The following ARHGAP42 variants were observed in gnomAD, a reference collection of about 807,000 sequenced individuals.
The protein encoded by ARHGAP42 is rho GTPase-activating protein 42.
ARHGAP42 carries 63 observed loss-of-function variants against 125.0 expected under a neutral mutation model. The observed-to-expected ratio is 0.50, with a 90% CI of 0.41 to 0.62. The LOEUF is 0.62. Among genes scored for constraint, ARHGAP42 ranks in the 20% least tolerant of loss-of-function variants. The probability of loss-of-function intolerance (pLI) is 0.00; values close to 1 mark genes in which losing one functional copy is unlikely to be tolerated. For missense variants in ARHGAP42, 766 were observed against 1,024.2 expected, an observed-to-expected ratio of 0.75 and a Z score of 3.44; for synonymous variants, 339 against 351.0, an observed-to-expected ratio of 0.97 and a Z score of 0.38.
At chr11:100,745,815 A>T (rs1449857519) in intron 1 of ARHGAP42, among the ~76,000 whole-genome samples, 1 of 152,212 alleles carries the variant, frequency 6.6e-6, no homozygotes, top group Non-Finnish European at 1.5e-5. Context: ...TAGTTAATAG[A>T]TCGCTTTTGG....
Position 100,976,445 on chromosome 11 carries a change from A to C in ARHGAP42, c.2236+8A>C, listed in dbSNP as rs981757313. 7.3e-6 allele frequency: 11 copies of C among 1,508,456 alleles called. No homozygotes were observed. The Admixed American group carries it at 2.4e-4, about 33-fold the overall frequency. 93.4% of individuals were successfully genotyped at this position (1,508,456 alleles called of 1,614,324 possible). A position where few individuals can be genotyped will look rare whatever the true frequency, so the allele number is the denominator to read the frequency against. ...CCATCTCTGCAGCTGAAGGTAAGGC[A>C]GAGTGGAACTTGTGCAAGATGTCAT... is the stretch of plus-strand genomic sequence containing the variant. On this transcript the variant is annotated splice_region_variant and intron_variant, in intron 20 of 23. Coordinates refer to ENST00000298815, the MANE Select transcript of ARHGAP42 (RefSeq NM_152432.4).
At position 100,728,713 on chromosome 11, in the gene ARHGAP42, CGTATATATATATATATATATATAT is replaced by C. The variant is rs1345355956; in HGVS notation, c.154+40882_154+40905del. 9.5e-3 allele frequency among the ~76,000 whole-genome samples: 909 copies of C among 95,310 alleles called. 41 individuals are homozygous for C. Among genetic ancestry groups the C allele is most frequent in the African/African-American group, 0.032 (847 of 26,562 alleles). 62.5% of individuals were successfully genotyped at this position (95,310 alleles called of 152,430 possible). A position where few individuals can be genotyped will look rare whatever the true frequency, so the allele number is the denominator to read the frequency against. On this transcript the variant is annotated intron_variant, in intron 1 of 23. Transcript: ENST00000298815. ...AAGTGAAATTATATGAATGACTTTG[CGTATATATATATATATATATATAT>C]ATATATATATATATATATATGCACA...
chr11:100,928,860 G>T (rs960559684), intron 6 of ARHGAP42, among the ~76,000 whole-genome samples: 1 of 152,076 alleles, frequency 6.6e-6, no homozygotes, highest in Admixed American at 6.6e-5. Context: ...AAATGAAATT[G>T]TGTAATACGT....
chr11:100,930,844 G>A (rs139301596), intron 6 of ARHGAP42, among the ~76,000 whole-genome samples: 1 of 152,148 alleles, frequency 6.6e-6, no homozygotes, highest in East Asian at 1.9e-4. Context: ...ATGAGGGAGT[G>A]TCTCACAGGT....
At chr11:100,894,384 G>A (rs1283232490) in intron 4 of ARHGAP42, among the ~76,000 whole-genome samples, 1 of 152,184 alleles carries the variant, frequency 6.6e-6, no homozygotes, top group African/African-American at 2.4e-5. Flanking sequence ...TCACGTTTAT[G>A]TGATGTGACA....
intron 1 of ARHGAP42, among the ~76,000 whole-genome samples, chr11:100,749,800 G>A (rs116549203): frequency 3.2e-3 from 490 of 152,218 alleles, no homozygotes; most frequent in African/African-American, 0.011. Flanking sequence ...AAGTAGGGTC[G>A]TTTGTGATCA....
At chr11:100,984,689 A>T (rs1440472213) in intron 22 of ARHGAP42, among the ~76,000 whole-genome samples, 1 of 151,970 alleles carries the variant, frequency 6.6e-6, no homozygotes, top group African/African-American at 2.4e-5. Context: ...TATTTTTCCA[A>T]TGATAAGGGA....
intron 7 of ARHGAP42, among the ~76,000 whole-genome samples, chr11:100,933,852 A>T (rs1367923494): frequency 6.6e-6 from 1 of 152,048 alleles, no homozygotes; most frequent in Non-Finnish European, 1.5e-5. Flanking sequence ...CAATGGCATG[A>T]TCTCGGCTCA....
chr11:100,729,811 C>G (rs191555881), intron 1 of ARHGAP42, among the ~76,000 whole-genome samples: 2 of 133,686 alleles, frequency 1.5e-5, no homozygotes, highest in African/African-American at 2.7e-5. Flanking sequence ...AAATTTCTTT[C>G]TTTTTTTTTT....
chr11:100,965,030 A>G (rs185137886), intron 16 of ARHGAP42, among the ~76,000 whole-genome samples: 1 of 152,272 alleles, frequency 6.6e-6, no homozygotes, highest in East Asian at 1.9e-4. Context: ...ACTTACAATC[A>G]TGGTGGAAGG....
intron 22 of ARHGAP42, among the ~76,000 whole-genome samples, chr11:100,987,312 T>C (rs1478372700): frequency 3.9e-5 from 6 of 152,226 alleles, no homozygotes; most frequent in Non-Finnish European, 8.8e-5. Flanking sequence ...GTTTCTAGTG[T>C]GCTAGTAATC....
At chr11:100,969,217 A>C (rs516873) in intron 17 of ARHGAP42, among the ~76,000 whole-genome samples, 41,660 of 151,854 alleles carry the variant, frequency 0.27, 6,955 homozygotes, top group East Asian at 0.74. Flanking sequence ...GTTTCTATTG[A>C]GAAATAAGCT....
chr11:100,843,378 A>G (rs1331691263), intron 3 of ARHGAP42, among the ~76,000 whole-genome samples: 1 of 151,772 alleles, frequency 6.6e-6, no homozygotes, highest in East Asian at 1.9e-4. Flanking sequence ...GCTTATTTCT[A>G]CCAGTCATTC....
intron 3 of ARHGAP42, among the ~76,000 whole-genome samples, chr11:100,801,163 T>G (rs1863841845): frequency 6.6e-6 from 1 of 152,220 alleles, no homozygotes; most frequent in Admixed American, 6.5e-5. Context: ...AGATTTGGGA[T>G]GCTCAACCTG....
Position 100,798,904 on chromosome 11 carries a change from G to T in ARHGAP42, c.312+3738G>T, listed in dbSNP as rs146525413. Among the ~76,000 whole-genome samples, 1,224 of 152,300 alleles carry T rather than the reference G, an allele frequency of 8.0e-3. 16 individuals are homozygous for T. Among genetic ancestry groups the T allele is most frequent in the South Asian group, 0.018 (89 of 4,822 alleles). ...TATTAAGGTGCCCTTGACTCAGAGG[G>T]TACATTTCCTGAGCTGGGGAAGGAT... On this transcript the variant is annotated intron_variant, in intron 3 of 23. Coordinates refer to ENST00000298815, the MANE Select transcript of ARHGAP42 (RefSeq NM_152432.4).
intron 1 of ARHGAP42, among the ~76,000 whole-genome samples, chr11:100,715,097 T>G (rs973731372): frequency 6.6e-6 from 1 of 151,796 alleles, no homozygotes; most frequent in Non-Finnish European, 1.5e-5. Flanking sequence ...CAGGTTTACT[T>G]TGTATCTCAA....
At chr11:100,899,493 C>G in intron 4 of ARHGAP42, among the ~76,000 whole-genome samples, 1 of 152,082 alleles carries the variant, frequency 6.6e-6, no homozygotes, top group Non-Finnish European at 1.5e-5. Flanking sequence ...CTTTGTAGGT[C>G]TTTAAGGACT....
At chr11:100,807,545 C>A (rs562753071) in intron 3 of ARHGAP42, among the ~76,000 whole-genome samples, 1 of 152,270 alleles carries the variant, frequency 6.6e-6, no homozygotes, top group African/African-American at 2.4e-5. Context: ...AACAGCACAG[C>A]CTGTAAATGA....
intron 2 of ARHGAP42, among the ~76,000 whole-genome samples, chr11:100,786,897 C>CA (rs1266691635): frequency 6.6e-6 from 1 of 152,022 alleles, no homozygotes; most frequent in Admixed American, 6.6e-5. Flanking sequence ...TCCCCTGTGT[C>CA]AAGAAAGGTG....
Sources: allele counts gnomAD v4.1 joint callset (sites outside exome capture counted in the v4.1 genomes callset), GRCh38; gene constraint gnomAD v4.1.1; transcripts MANE v1.5; gene names NCBI Gene and HGNC (gene_info 2026-07-23, HGNC 2026-07-21).